The following TRPC6 variants were observed in gnomAD, a reference collection of about 807,000 sequenced individuals.
TRPC6 encodes short transient receptor potential channel 6.
Under a neutral mutation model 90.7 loss-of-function variants are expected in TRPC6, and 55 were observed. The ratio of observed to expected loss-of-function variants is 0.61; its 90% CI spans 0.49 to 0.76. The LOEUF (loss-of-function observed/expected upper bound fraction) is 0.76, where lower values mean the gene tolerates loss of function less well. Ranked by LOEUF, TRPC6 falls within the 30% of genes least tolerant of loss-of-function variation. The probability of loss-of-function intolerance (pLI) is 0.00; values close to 1 mark genes in which losing one functional copy is unlikely to be tolerated. For synonymous variants in TRPC6, 393 were observed against 393.0 expected, an observed-to-expected ratio of 1.00 and a Z score of 0.00; for missense variants, 989 against 1,122.7, an observed-to-expected ratio of 0.88 and a Z score of 1.70.
rs57359132 is a variant in TRPC6, at chr11:101,470,818, CT to C, written c.2409+364del. On this transcript the variant is annotated intron_variant, in intron 9 of 12. Coordinates refer to ENST00000344327, the MANE Select transcript of TRPC6 (RefSeq NM_004621.6). ...AATCAAGTTGCCCCGCCCCCCCCCC[CT>C]CCCCGAGTCATAACAAGCTGCTGCC... Among the ~76,000 whole-genome samples, 8 of 61,626 alleles carry C rather than the reference CT, an allele frequency of 1.3e-4. No homozygotes were observed. The East Asian group carries it at 1.5e-3, about 11-fold the overall frequency. The allele number at this position is 61,626 out of a possible 152,430, so 40.4% of individuals were successfully genotyped here.
intron 1 of TRPC6, among the ~76,000 whole-genome samples, chr11:101,528,042 C>T (rs2136791180): frequency 6.6e-6 from 1 of 152,200 alleles, no homozygotes; most frequent in East Asian, 1.9e-4. Flanking sequence ...CACTGCACTC[C>T]AGCCTAGGTG....
chr11:101,476,127 A>G (rs1226481210), intron 6 of TRPC6, among the ~76,000 whole-genome samples, 174 bp downstream of exon 6: 1 of 152,200 alleles, frequency 6.6e-6, no homozygotes, highest in African/African-American at 2.4e-5. Flanking sequence ...AGAAAAATCA[A>G]ATGAAGCAGC....
intron 1 of TRPC6, among the ~76,000 whole-genome samples, chr11:101,580,066 T>C (rs970621576): frequency 6.6e-6 from 1 of 152,180 alleles, no homozygotes. Context: ...TCTGTAACCA[T>C]AAATTTTTCA....
At chr11:101,496,642 C>G (rs982672083) in intron 2 of TRPC6, among the ~76,000 whole-genome samples, 1 of 152,134 alleles carries the variant, frequency 6.6e-6, no homozygotes, top group African/African-American at 2.4e-5. Flanking sequence ...AGTATAATGT[C>G]TGGTTAGCTT....
chr11:101,551,850 A>G (rs1232725585), intron 1 of TRPC6, among the ~76,000 whole-genome samples: 1 of 152,076 alleles, frequency 6.6e-6, no homozygotes, highest in African/African-American at 2.4e-5. Flanking sequence ...GTTATTGCTC[A>G]TTACAAAAGA....
intron 1 of TRPC6, among the ~76,000 whole-genome samples, chr11:101,563,172 G>A (rs546714720): frequency 6.6e-6 from 1 of 152,218 alleles, no homozygotes; most frequent in Non-Finnish European, 1.5e-5. Flanking sequence ...GCTACATTGG[G>A]CAGAGCAGAT....
chr11:101,528,005 A>G (rs79524961), intron 1 of TRPC6, among the ~76,000 whole-genome samples: 15,586 of 152,074 alleles, frequency 0.1, 1,281 homozygotes, highest in East Asian at 0.41. Context: ...CCCGGGAGGC[A>G]GAGGTTGCAA....
At chr11:101,566,606 G>A (rs1173167512) in intron 1 of TRPC6, among the ~76,000 whole-genome samples, 1 of 152,162 alleles carries the variant, frequency 6.6e-6, no homozygotes, top group East Asian at 1.9e-4. Context: ...TGACCCAGTA[G>A]GAACAGCTCC....
chr11:101,504,684 T>C lies in TRPC6; in HGVS notation c.285A>G (p.Leu95=), dbSNP rs1347422309. The change falls in exon 2 of 13, where the codon CTA becomes CTG. Residue 95 remains leucine (L), a synonymous_variant. Coordinates refer to ENST00000344327, the MANE Select transcript of TRPC6 (RefSeq NM_004621.6). ...AYMFSDRSTS[L]SIEEERFLDA... The stretch of plus-strand genomic sequence containing the variant: ...CCAAAAAGCGTTCCTCCTCTATAGA[T>C]AGGCTTGTGGAGCGATCACTAAACA... The C allele has an allele frequency of 1.2e-6, 2 of 1,600,086 alleles. No individual in the cohort carries two copies. Among genetic ancestry groups the C allele is most frequent in the Admixed American group, 1.7e-5 (1 of 59,180 alleles).
At chr11:101,555,352 A>G (rs554535312) in intron 1 of TRPC6, among the ~76,000 whole-genome samples, 28 of 152,210 alleles carry the variant, frequency 1.8e-4, no homozygotes, top group Non-Finnish European at 3.5e-4. Context: ...CCATTCTGCA[A>G]TGGACTTCTA....
At chr11:101,571,329 C>A (rs963547705) in intron 1 of TRPC6, among the ~76,000 whole-genome samples, 4 of 152,120 alleles carry the variant, frequency 2.6e-5, no homozygotes, top group African/African-American at 9.7e-5. Context: ...TGAAAGACCT[C>A]TTCAAGGAGA....
At chr11:101,519,334 A>C (rs1312235816) in intron 1 of TRPC6, among the ~76,000 whole-genome samples, 1 of 152,122 alleles carries the variant, frequency 6.6e-6, no homozygotes, top group Non-Finnish European at 1.5e-5. Context: ...TACCCACAAA[A>C]ATTTTTAAAA....
chr11:101,479,919 C>T (rs532258980), intron 5 of TRPC6, among the ~76,000 whole-genome samples: 1 of 152,172 alleles, frequency 6.6e-6, no homozygotes, highest in African/African-American at 2.4e-5. Context: ...TGGCTCACGC[C>T]TGTAATCCCA....
chr11:101,460,943 G>A (rs1211556752), intron 10 of TRPC6, among the ~76,000 whole-genome samples: 1 of 152,094 alleles, frequency 6.6e-6, no homozygotes, highest in Admixed American at 6.5e-5. Context: ...GGGCCATATT[G>A]TCAATTATAA....
intron 1 of TRPC6, among the ~76,000 whole-genome samples, chr11:101,526,491 G>A (rs1450150051): frequency 6.6e-6 from 1 of 152,076 alleles, no homozygotes; most frequent in African/African-American, 2.4e-5. Context: ...CTTTTCAGAT[G>A]TGTTATTCCT....
chr11:101,560,239 T>C (rs1026039261), intron 1 of TRPC6, among the ~76,000 whole-genome samples: 2 of 152,036 alleles, frequency 1.3e-5, no homozygotes, highest in African/African-American at 4.8e-5. Flanking sequence ...TTTTGGACCA[T>C]TTAGCATTTG....
At chr11:101,493,602 C>T (rs1312224040) in intron 2 of TRPC6, among the ~76,000 whole-genome samples, 1 of 152,092 alleles carries the variant, frequency 6.6e-6, no homozygotes, top group African/African-American at 2.4e-5. Context: ...TTTGAAACAA[C>T]TGAGGGGGCA....
At chr11:101,466,258 T>C (rs948205519) in intron 10 of TRPC6, among the ~76,000 whole-genome samples, 1 of 152,168 alleles carries the variant, frequency 6.6e-6, no homozygotes, top group African/African-American at 2.4e-5. Flanking sequence ...CGCTGCTCTT[T>C]TCAGAGCCGC....
chr11:101,568,003 T>A (rs976664784), intron 1 of TRPC6, among the ~76,000 whole-genome samples: 2 of 151,876 alleles, frequency 1.3e-5, no homozygotes, highest in Admixed American at 1.3e-4. Flanking sequence ...GGAACAAAAC[T>A]AGATGGAGAA....
Sources: allele counts gnomAD v4.1 joint callset (sites outside exome capture counted in the v4.1 genomes callset), GRCh38; gene constraint gnomAD v4.1.1; transcripts MANE v1.5; gene names NCBI Gene and HGNC (gene_info 2026-07-23, HGNC 2026-07-21).